Variants in GCM1 observed in about 807,000 individuals in gnomAD.
The protein encoded by GCM1 is chorion-specific transcription factor GCMa.
In GCM1, 2 loss-of-function variants were observed where a neutral mutation model predicts 25.7. That is an observed-to-expected ratio of 0.08 (90% CI 0.03 to 0.24). GCM1 has a LOEUF of 0.24. GCM1 is among the 10% of genes least tolerant of loss of function. The probability of loss-of-function intolerance (pLI) is 1.00; values close to 1 mark genes in which losing one functional copy is unlikely to be tolerated. For synonymous variants in GCM1, 183 were observed against 195.7 expected (o/e 0.94, Z 0.54); for missense variants, 395 against 538.7 (o/e 0.73, Z 2.64).
intron 2 of GCM1, 62 bp downstream of exon 2, chr6:53,145,496 A>G: frequency 1.1e-6 from 1 of 874,048 alleles, no homozygotes; most frequent in South Asian, 1.3e-5. Context: ...AGGTCTCCGC[A>G]TGTTAATAGT....
chr6:53,138,192 G>T (rs1471032165), intron 2 of GCM1, among the ~76,000 whole-genome samples: 2 of 146,460 alleles, frequency 1.4e-5, no homozygotes, highest in Non-Finnish European at 3.0e-5. Flanking sequence ...TGAGGCAAAA[G>T]AATCGCTTGA....
chr6:53,145,764 T>C lies in GCM1; in HGVS notation c.-132A>G, dbSNP rs921169403. ...CACCTTGGACCAGGAGATTGTTTTC[T>C]AGGGCTAAAAAAATAAGTTATATTA... is the stretch of plus-strand genomic sequence containing the variant. On this transcript the variant is annotated 5_prime_UTR_variant, in exon 2 of 6. Coordinates refer to ENST00000259803, the MANE Select transcript of GCM1 (RefSeq NM_003643.4). The C allele has an allele frequency of 3.2e-6, 2 of 616,976 alleles. No homozygotes were observed. Among genetic ancestry groups the C allele is most frequent in the Non-Finnish European group, 5.8e-6 (2 of 347,486 alleles). The allele number at this position is 616,976 out of a possible 1,614,324, so 38.2% of individuals were successfully genotyped here.
intron 2 of GCM1, 143 bp downstream of exon 2, chr6:53,145,415 C>T: frequency 1.5e-6 from 1 of 665,960 alleles, no homozygotes; most frequent in South Asian, 1.7e-5. Flanking sequence ...TAAAATCCCT[C>T]AGTCGGCTGT....
At chr6:53,140,195 C>A (rs887781843) in intron 2 of GCM1, among the ~76,000 whole-genome samples, 5 of 152,126 alleles carry the variant, frequency 3.3e-5, no homozygotes, top group African/African-American at 1.2e-4. Context: ...GCAAAGGGGG[C>A]AAAGTCACAG....
chr6:53,132,096 C>T lies in GCM1; in HGVS notation c.352G>A (p.Gly118Arg). The change falls in exon 4 of 6, where the codon GGG becomes AGG. Residue 118 changes from glycine (G) to arginine (R), a missense_variant. By Grantham distance (125) the Gly-to-Arg change is moderately radical. Coordinates refer to ENST00000259803, the MANE Select transcript of GCM1 (RefSeq NM_003643.4). ...CGGCAAGGGATGAGCTTCAGAGGCC[C>T]GTCACAGTTGGGACAGCGTTTCCCT... ...QQRKRCPNCDGPLKLIPCRGH... is the reference protein window; with the variant it reads ...QQRKRCPNCDRPLKLIPCRGH... 6.2e-7 allele frequency: 1 copy of T among 1,611,636 alleles called. No homozygotes were observed. Among genetic ancestry groups the T allele is most frequent in the Non-Finnish European group, 8.5e-7 (1 of 1,177,742 alleles).
Position 53,145,534 on chromosome 6 carries a change from C to A in GCM1, c.75+24G>T, listed in dbSNP as rs1373695369. 2.4e-6 allele frequency: 3 copies of A among 1,230,650 alleles called. No homozygotes were observed. In the Admixed American group the frequency reaches 5.1e-5, roughly 21 times the overall value. 76.2% of individuals were successfully genotyped at this position (1,230,650 alleles called of 1,614,324 possible). A position where few individuals can be genotyped will look rare whatever the true frequency, so the allele number is the denominator to read the frequency against. Reference sequence around the variant, plus strand: ...AGACTTCACAGCCCAATGTTGAAGGCAGATTTTTATAGCAAGTACATACCT... The same window carrying A: ...AGACTTCACAGCCCAATGTTGAAGGAAGATTTTTATAGCAAGTACATACCT... On this transcript the variant is annotated intron_variant, in intron 2 of 5. Coordinates refer to ENST00000259803, the MANE Select transcript of GCM1 (RefSeq NM_003643.4).
chr6:53,131,234 AG>A (rs1763720553), intron 4 of GCM1, among the ~76,000 whole-genome samples: 1 of 152,216 alleles, frequency 6.6e-6, no homozygotes, highest in Non-Finnish European at 1.5e-5. Context: ...TTTCATCTTC[AG>A]CACAACCATT....
At chr6:53,145,204 G>A (rs1382618846) in intron 2 of GCM1, among the ~76,000 whole-genome samples, 1 of 152,170 alleles carries the variant, frequency 6.6e-6, no homozygotes, top group East Asian at 1.9e-4. Context: ...GTTGTATGAG[G>A]ACTTGTGCAT....
chr6:53,145,860 A>G, intron 1 of GCM1, 92 bp from the exon 2 acceptor site: 2 of 461,382 alleles, frequency 4.3e-6, no homozygotes, highest in Non-Finnish European at 7.6e-6. Flanking sequence ...TTTCACTGAC[A>G]TTTTTGCAAG....
chr6:53,145,861 T>C, intron 1 of GCM1, 93 bp from the exon 2 acceptor site: 1 of 457,878 alleles, frequency 2.2e-6, no homozygotes, highest in Non-Finnish European at 3.8e-6. Context: ...TTCACTGACA[T>C]TTTTGCAAGT....
intron 2 of GCM1, among the ~76,000 whole-genome samples, chr6:53,136,633 A>T (rs1763803012): frequency 1.3e-5 from 2 of 152,218 alleles, no homozygotes; most frequent in Non-Finnish European, 2.9e-5. Flanking sequence ...AAGACCCAGT[A>T]GAGGTCACTT....
chr6:53,145,420 G>A (rs554038249), intron 2 of GCM1, 138 bp downstream of exon 2: 17 of 674,730 alleles, frequency 2.5e-5, no homozygotes, highest in Admixed American at 1.1e-4. Context: ...TCCCTCAGTC[G>A]GCTGTCTAGC....
intron 3 of GCM1, among the ~76,000 whole-genome samples, chr6:53,132,794 C>T (rs918617984): frequency 6.6e-6 from 1 of 152,180 alleles, no homozygotes; most frequent in Admixed American, 6.5e-5. Context: ...GTGAATGCAG[C>T]TACTACATTT....
chr6:53,147,678 C>A (rs1763983271), intron 1 of GCM1, among the ~76,000 whole-genome samples: 2 of 152,186 alleles, frequency 1.3e-5, no homozygotes, highest in East Asian at 3.9e-4. Context: ...ATCCATACGT[C>A]TCTGTCTCCC....
chr6:53,145,794 TGGCC>T, intron 1 of GCM1, 26 bp from the exon 2 acceptor site: 1 of 547,392 alleles, frequency 1.8e-6, no homozygotes, highest in Non-Finnish European at 3.2e-6. Flanking sequence ...ATATTAGTAT[TGGCC>T]ATTAAAGAGA....
At chr6:53,133,340 T>G (rs1368768333) in intron 3 of GCM1, among the ~76,000 whole-genome samples, 1 of 150,958 alleles carries the variant, frequency 6.6e-6, no homozygotes, top group African/African-American at 2.4e-5. Flanking sequence ...AATGTGTGTG[T>G]GTGTGTGTGT....
In GCM1 at chr6:53,128,537, A is replaced by C. The variant is rs1182339574; in HGVS notation, c.980T>G (p.Phe327Cys). Residue 327 changes from phenylalanine (F) to cysteine (C), a missense_variant, in exon 6 of 6, where the codon TTC (phenylalanine) becomes TGC (cysteine). Physicochemically the swap from Phe to Cys is radical, Grantham distance 205. Around this residue, in one of 5 missense-constraint regions of GCM1, gnomAD observed 291 missense variants for 314.6 expected, o/e 0.92. Coordinates refer to ENST00000259803, the MANE Select transcript of GCM1 (RefSeq NM_003643.4). ...PFPLTSWPCSFSPSQNSSEPF... is the reference protein window; with the variant it reads ...PFPLTSWPCSCSPSQNSSEPF... ...TTCTGAAGAGTTTTGGGAAGGAGAG[A>C]AGCTGCAAGGCCAGCTGGTCAGAGG... 6 of 1,613,848 alleles carry C rather than the reference A, an allele frequency of 3.7e-6. No individual in the cohort carries two copies. Among genetic ancestry groups the C allele is most frequent in the Admixed American group, 1.7e-5 (1 of 59,980 alleles).
intron 3 of GCM1, 92 bp from the exon 4 acceptor site, chr6:53,132,211 A>C: frequency 1.3e-6 from 1 of 793,772 alleles, no homozygotes; most frequent in Non-Finnish European, 2.2e-6. Flanking sequence ...CCCTGACTCA[A>C]GGACGGCAGA....
At chr6:53,132,627 G>A (rs1337533071) in intron 3 of GCM1, among the ~76,000 whole-genome samples, 4 of 152,292 alleles carry the variant, frequency 2.6e-5, no homozygotes, top group Admixed American at 6.5e-5. Flanking sequence ...CAGGAGAATC[G>A]CTTGAACCTG....
Sources: allele counts gnomAD v4.1 joint callset (sites outside exome capture counted in the v4.1 genomes callset), GRCh38; gene constraint gnomAD v4.1.1; regional missense constraint gnomAD v4.1.1; transcripts MANE v1.5; gene names NCBI Gene and HGNC (gene_info 2026-07-23, HGNC 2026-07-21).